The following PPEF1 variants were observed in gnomAD, a reference collection of about 807,000 sequenced individuals.
The protein encoded by PPEF1 is protein phosphatase with EF-hand domain 1, also known as serine/threonine-protein phosphatase with EF-hands 1.
A neutral mutation model predicts 53.3 loss-of-function variants in PPEF1; 12 were observed. The ratio of observed to expected loss-of-function variants is 0.23; its 90% CI spans 0.14 to 0.36. The LOEUF is 0.36. Ranked by LOEUF, PPEF1 falls within the 10% of genes least tolerant of loss-of-function variation. The probability of loss-of-function intolerance (pLI) is 1.00; values close to 1 mark genes in which losing one functional copy is unlikely to be tolerated. For missense variants in PPEF1, 334 were observed against 490.4 expected (o/e 0.68, Z 3.01); for synonymous variants, 165 against 176.7 (o/e 0.93, Z 0.52).
chrX:18,690,916 A>ATC (rs1402718561), intron 3 of PPEF1: 1 of 112,064 alleles, frequency 8.9e-6, no homozygotes, highest in African/African-American at 3.2e-5. Flanking sequence ...TCATTCTAGA[A>ATC]TCTACCTCTT....
At chrX:18,679,638 C>T (rs924324743), upstream of PPEF1, among the ~76,000 whole-genome samples, 3 of 111,471 alleles carry the variant, frequency 2.7e-5, no homozygotes, top group African/African-American at 9.8e-5. Context: ...CTGCCCTTTC[C>T]CCCCTACAGA....
Position 18,722,355 on chromosome X carries a change from C to G in PPEF1, c.47-7826C>G, listed in dbSNP as rs138669390. On this transcript the variant is annotated intron_variant, in intron 1 of 15. Transcript: ENST00000470157. ...TGTCGCACTTGTGCCTGGGTCTCTT[C>G]TTGCCTGGAGGCCAGGCCCCTTAAA... is the stretch of plus-strand genomic sequence containing the variant. Among the ~76,000 whole-genome samples the G allele has an allele frequency of 8.6e-3, 964 of 112,125 alleles. 9 individuals carry two copies. The highest frequency in any genetic ancestry group is 0.03 in the African/African-American group (917 of 30,911).
intron 3 of PPEF1, among the ~76,000 whole-genome samples, chrX:18,737,197 T>C (rs771273181): frequency 1.8e-5 from 2 of 112,108 alleles, no homozygotes; most frequent in South Asian, 7.4e-4. Flanking sequence ...CTTGCTTCTC[T>C]AGTTCTTTTA....
At chrX:18,740,087 T>C (rs2045110316) in intron 3 of PPEF1, among the ~76,000 whole-genome samples, 1 of 112,389 alleles carries the variant, frequency 8.9e-6, no homozygotes, top group Non-Finnish European at 1.9e-5. Context: ...CCTTCCTGGG[T>C]GAGGCGATGC....
At chrX:18,689,338 C>T (rs761888697) in intron 3 of PPEF1, among the ~76,000 whole-genome samples, 28 of 106,823 alleles carry the variant, frequency 2.6e-4, no homozygotes, top group Admixed American at 4.9e-4. Context: ...AAAAATTAGC[C>T]GAGTGTGGTG....
chrX:18,812,137 T>C (rs1355295925), intron 12 of PPEF1, among the ~76,000 whole-genome samples: 1 of 111,664 alleles, frequency 9.0e-6, no homozygotes, highest in Non-Finnish European at 1.9e-5. Flanking sequence ...ACACTTAGGT[T>C]TCTGATCCAT....
At chrX:18,734,541 G>C (rs772844595) in intron 3 of PPEF1, among the ~76,000 whole-genome samples, 133 of 111,025 alleles carry the variant, frequency 1.2e-3, no homozygotes, top group African/African-American at 4.1e-3. Context: ...ATGGACATTT[G>C]GGTTGGTTCC....
intron 7 of PPEF1, among the ~76,000 whole-genome samples, chrX:18,781,894 C>G (rs762636397): frequency 9.0e-6 from 1 of 110,927 alleles, no homozygotes; most frequent in African/African-American, 3.3e-5. Flanking sequence ...GCATAACAAG[C>G]CAACTTGTTA....
chrX:18,722,168 A>G (rs2147338968), intron 1 of PPEF1, among the ~76,000 whole-genome samples: 1 of 112,643 alleles, frequency 8.9e-6, no homozygotes, highest in Admixed American at 9.4e-5. Context: ...CAAAAATAAC[A>G]GTAATGAAGA....
chrX:18,808,036 A>G (rs1354153298), intron 12 of PPEF1, among the ~76,000 whole-genome samples: 6 of 93,691 alleles, frequency 6.4e-5, no homozygotes, highest in Middle Eastern at 7.8e-3. Context: ...GTGCGATCTC[A>G]GCTCACTGCA....
intron 12 of PPEF1, among the ~76,000 whole-genome samples, chrX:18,815,794 T>C (rs183750676): frequency 4.9e-4 from 50 of 102,146 alleles, no homozygotes; most frequent in African/African-American, 1.9e-3. Context: ...CTTTATTATC[T>C]TTCCATTCTC....
At chrX:18,757,134 T>A (rs1375404881) in intron 4 of PPEF1, among the ~76,000 whole-genome samples, 3 of 111,764 alleles carry the variant, frequency 2.7e-5, no homozygotes, top group East Asian at 5.6e-4. Context: ...CCATTTCACA[T>A]GCTCAGTAGC....
At chrX:18,815,710 CT>C (rs1167280209) in intron 12 of PPEF1, among the ~76,000 whole-genome samples, 3 of 109,690 alleles carry the variant, frequency 2.7e-5, no homozygotes, top group East Asian at 5.7e-4. Context: ...AGTCTTTTTT[CT>C]TTTTTTTCTT....
chrX:18,762,425 G>T (rs916916118), intron 6 of PPEF1, among the ~76,000 whole-genome samples: 1 of 111,798 alleles, frequency 8.9e-6, no homozygotes, highest in Admixed American at 9.5e-5. Context: ...GATTATTATT[G>T]TTACCAGAAA....
At chrX:18,760,279 G>A (rs183389820) in intron 5 of PPEF1, among the ~76,000 whole-genome samples, 6 of 111,385 alleles carry the variant, frequency 5.4e-5, no homozygotes, top group African/African-American at 2.0e-4. Context: ...GAGCCACCGT[G>A]CCTGGCCTTA....
chrX:18,707,624 GT>G (rs1422182036), upstream of PPEF1: 11 of 440,384 alleles, frequency 2.5e-5, no homozygotes, highest in South Asian at 2.3e-4. Flanking sequence ...TTAACTGGCG[GT>G]TTCCTTCCCT....
At chrX:18,738,763 C>T (rs1359928109) in intron 3 of PPEF1, among the ~76,000 whole-genome samples, 1 of 112,534 alleles carries the variant, frequency 8.9e-6, no homozygotes, top group African/African-American at 3.2e-5. Flanking sequence ...TCAGGTACAC[C>T]AATCAGATGC....
At chrX:18,730,408 C>T (rs897589928) in intron 2 of PPEF1, 100 bp downstream of exon 2, 198 of 999,326 alleles carry the variant, frequency 2.0e-4, no homozygotes, top group Non-Finnish European at 1.4e-4. Context: ...GCTGAGGAAG[C>T]TTGGTGAAAG....
intron 1 of PPEF1, among the ~76,000 whole-genome samples, chrX:18,726,132 G>A (rs919803907): frequency 2.7e-5 from 3 of 110,582 alleles, no homozygotes; most frequent in African/African-American, 9.9e-5. Flanking sequence ...GAGGCGGGTG[G>A]ATCATGAGGT....
Sources: allele counts gnomAD v4.1 joint callset (sites outside exome capture counted in the v4.1 genomes callset), GRCh38; gene constraint gnomAD v4.1.1; transcripts MANE v1.5; gene names NCBI Gene and HGNC (gene_info 2026-07-23, HGNC 2026-07-21).